The following XKR6 variants were observed in gnomAD, a reference collection of about 807,000 sequenced individuals.
The protein encoded by XKR6 is XK-related protein 6.
XKR6 carries 22 observed loss-of-function variants against 56.7 expected under a neutral mutation model. The observed-to-expected ratio is 0.39, with a 90% CI of 0.28 to 0.55. The LOEUF is 0.55. Among genes scored for constraint, XKR6 ranks in the 20% least tolerant of loss-of-function variants. The pLI, the probability that XKR6 is intolerant of heterozygous loss-of-function variation, is 0.66. For synonymous variants in XKR6, 524 were observed against 387.8 expected (o/e 1.35, Z -4.13); for missense variants, 852 against 889.0 (o/e 0.96, Z 0.53).
intron 1 of XKR6, chr8:11,063,081 G>T (rs2129164488): frequency 6.1e-6 from 2 of 330,082 alleles, no homozygotes; most frequent in Non-Finnish European, 1.2e-5. Flanking sequence ...ATCCTATTAA[G>T]GCTGGGTGCA....
chr8:11,131,989 T>C (rs1337634385), intron 1 of XKR6, among the ~76,000 whole-genome samples: 2 of 152,138 alleles, frequency 1.3e-5, no homozygotes, highest in African/African-American at 4.8e-5. Context: ...TGTGTATGTT[T>C]TTCCCCTAGT....
chr8:11,122,121 G>C (rs1396561853), intron 1 of XKR6, among the ~76,000 whole-genome samples: 2 of 152,188 alleles, frequency 1.3e-5, no homozygotes, highest in African/African-American at 2.4e-5. Flanking sequence ...GGCCAATCCA[G>C]ATGAACTGCT....
At chr8:11,126,836 C>A (rs1172825815) in intron 1 of XKR6, among the ~76,000 whole-genome samples, 1 of 152,166 alleles carries the variant, frequency 6.6e-6, no homozygotes, top group African/African-American at 2.4e-5. Context: ...GTGCCCCTCC[C>A]ACAAGCCCCA....
chr8:11,174,619 G>A (rs1444616760), intron 1 of XKR6, among the ~76,000 whole-genome samples: 4 of 152,152 alleles, frequency 2.6e-5, no homozygotes, highest in Admixed American at 2.6e-4. Flanking sequence ...TTTCCTGTGA[G>A]GCAAGGAACA....
At chr8:11,116,242 A>C (rs1799165978) in intron 1 of XKR6, among the ~76,000 whole-genome samples, 2 of 151,998 alleles carry the variant, frequency 1.3e-5, no homozygotes, top group Admixed American at 1.3e-4. Context: ...AGCTTCAGAG[A>C]AAACGTAACT....
intron 1 of XKR6, among the ~76,000 whole-genome samples, chr8:11,127,443 T>C (rs1336489849): frequency 1.3e-5 from 2 of 152,260 alleles, no homozygotes; most frequent in East Asian, 3.8e-4. Context: ...TAAACTAAGA[T>C]AAATTATAGT....
At chr8:11,165,822 T>G (rs1249596715) in intron 1 of XKR6, among the ~76,000 whole-genome samples, 3 of 152,134 alleles carry the variant, frequency 2.0e-5, no homozygotes, top group Non-Finnish European at 4.4e-5. Context: ...ATGGTAGAAC[T>G]TGTCTTCTCC....
chr8:10,915,003 G>T (rs911037024), intron 2 of XKR6, among the ~76,000 whole-genome samples: 1 of 152,226 alleles, frequency 6.6e-6, no homozygotes, highest in Non-Finnish European at 1.5e-5. Context: ...CCTCACCTCA[G>T]TGGCGCCTTC....
intron 1 of XKR6, among the ~76,000 whole-genome samples, chr8:10,986,891 C>G (rs1422490469): frequency 2.0e-5 from 3 of 151,928 alleles, no homozygotes; most frequent in Non-Finnish European, 4.4e-5. Context: ...TCTGCCTCAG[C>G]CCCTAAGTAG....
At chr8:11,194,102 A>G (rs1186149733) in intron 1 of XKR6, among the ~76,000 whole-genome samples, 1 of 152,244 alleles carries the variant, frequency 6.6e-6, no homozygotes, top group East Asian at 1.9e-4. Flanking sequence ...ATCAGCACCT[A>G]GGAGACATAC....
At chr8:11,108,389 C>A (rs1429677383) in intron 1 of XKR6, 5 of 448,042 alleles carry the variant, frequency 1.1e-5, no homozygotes, top group Non-Finnish European at 1.8e-5. Flanking sequence ...AAATCTGATA[C>A]CCCAAGACAT....
chr8:11,187,417 G>T (rs896121877), intron 1 of XKR6, among the ~76,000 whole-genome samples: 1 of 152,126 alleles, frequency 6.6e-6, no homozygotes, highest in Admixed American at 6.5e-5. Flanking sequence ...CACCATCGCT[G>T]ATTCAAAAAC....
chr8:11,174,614 T>C (rs1237264450), intron 1 of XKR6, among the ~76,000 whole-genome samples: 1 of 152,234 alleles, frequency 6.6e-6, no homozygotes, highest in Non-Finnish European at 1.5e-5. Flanking sequence ...TGTTCTTTCC[T>C]GTGAGGCAAG....
chr8:10,980,661 T>C (rs1586386727), intron 1 of XKR6, among the ~76,000 whole-genome samples: 1 of 152,234 alleles, frequency 6.6e-6, no homozygotes, highest in African/African-American at 2.4e-5. Context: ...TTATGATCTC[T>C]GTCTATCTGT....
intron 1 of XKR6, among the ~76,000 whole-genome samples, chr8:10,928,180 C>T (rs1800952970): frequency 6.6e-6 from 1 of 152,244 alleles, no homozygotes; most frequent in African/African-American, 2.4e-5. Flanking sequence ...ACTGCCGCCT[C>T]AGTCACTCAG....
chr8:11,031,117 A>G (rs765874298), intron 1 of XKR6, among the ~76,000 whole-genome samples: 1 of 152,170 alleles, frequency 6.6e-6, no homozygotes, highest in Non-Finnish European at 1.5e-5. Context: ...GACCCTGTTC[A>G]CTGGCTGCTA....
chr8:10,951,933 G>C (rs2129127297), intron 1 of XKR6, among the ~76,000 whole-genome samples: 1 of 152,308 alleles, frequency 6.6e-6, no homozygotes, highest in East Asian at 1.9e-4. Context: ...GACGACAGGA[G>C]AACCAAGAGG....
intron 2 of XKR6, 146 bp from the exon 3 acceptor site, chr8:10,899,062 G>T: frequency 7.9e-7 from 1 of 1,272,444 alleles, no homozygotes; most frequent in African/African-American, 1.5e-5. Context: ...ACCGAACTTG[G>T]AGGTCACAGC....
At chr8:11,146,114 GAAC>G (rs1176592851) in intron 1 of XKR6, among the ~76,000 whole-genome samples, 7 of 152,122 alleles carry the variant, frequency 4.6e-5, no homozygotes, top group Non-Finnish European at 7.4e-5. Context: ...AATAGTAATA[GAAC>G]AACTGAATAT....
Sources: allele counts gnomAD v4.1 joint callset (sites outside exome capture counted in the v4.1 genomes callset), GRCh38; gene constraint gnomAD v4.1.1; transcripts MANE v1.5; gene names NCBI Gene and HGNC (gene_info 2026-07-23, HGNC 2026-07-21).